Variants in KMT2B observed in about 807,000 individuals in gnomAD.
The protein encoded by KMT2B is histone-lysine N-methyltransferase 2B.
In KMT2B, 22 loss-of-function variants were observed where a neutral mutation model predicts 255.3. The ratio of observed to expected loss-of-function variants is 0.09; its 90% CI spans 0.06 to 0.12. The LOEUF (loss-of-function observed/expected upper bound fraction) is 0.12, where lower values mean the gene tolerates loss of function less well. Ranked by LOEUF, KMT2B falls within the 10% of genes least tolerant of loss-of-function variation. The pLI is 1.00. For missense variants in KMT2B, 3,149 were observed against 3,737.0 expected (o/e 0.84, Z 4.10); for synonymous variants, 1,730 against 1,498.1 (o/e 1.15, Z -3.57).
At position 35,727,675 on chromosome 19, in the gene KMT2B, C is replaced by T. The variant is rs760738079; in HGVS notation, c.4303-23C>T. On this transcript the variant is annotated intron_variant, in intron 16 of 36. Transcript: ENST00000420124. This position sits in a 1 kb window ranked among gnomAD's most constrained non-coding sequence, Gnocchi z 4.2. ...GCCGGGGCTAGGCCCACCCCCAGCC[C>T]TGCTAACTTCCCCGCTTTGCAGTGT... The T allele has an allele frequency of 6.2e-6, 10 of 1,613,310 alleles. No homozygotes were observed. In the Admixed American group the frequency reaches 1.0e-4, roughly 16 times the overall value.
chr19:35,731,909 G>A lies in KMT2B; in HGVS notation c.5439G>A (p.Glu1813=), dbSNP rs745636949. The A allele has an allele frequency of 1.2e-6, 2 of 1,612,102 alleles. No homozygotes were observed. Among genetic ancestry groups the A allele is most frequent in the East Asian group, 4.5e-5 (2 of 44,872 alleles). The change falls in exon 27 of 37, where the codon GAG becomes GAA. Residue 1813 remains glutamate, a splice_region_variant and synonymous_variant. Coordinates refer to ENST00000420124, the MANE Select transcript of KMT2B (RefSeq NM_014727.3). ...TIVHSPAPSS[E]PPGGEDPPLD... ...CAATGCCATTTCTCGCCTCTTCAGAGCCCCCAGGTGGTGAGGACCCCCCAC... is the reference window on the plus strand; with the variant it reads ...CAATGCCATTTCTCGCCTCTTCAGAACCCCCAGGTGGTGAGGACCCCCCAC...
At chr19:35,722,239 G>A (rs749982969) in intron 3 of KMT2B, 120 bp from the exon 4 acceptor site, 91 of 1,021,632 alleles carry the variant, frequency 8.9e-5, no homozygotes, top group Non-Finnish European at 1.2e-4. Flanking sequence ...TCCTGACCTC[G>A]TGATCTGCCC....
Position 35,732,702 on chromosome 19 carries a change from T to A in KMT2B, c.6153T>A (p.Ala2051=), listed in dbSNP as rs1391208248. ...VVSAPGLAPS[A]TPGAPRIEQL... The stretch of plus-strand genomic sequence containing the variant: ...CCGCCCCTGGTCTGGCCCCCAGCGC[T>A]ACCCCTGGAGCCCCCCGCATTGAAC... The change falls in exon 28 of 37, where the codon GCT becomes GCA. Residue 2051 remains alanine, a synonymous_variant. Coordinates refer to ENST00000420124, the MANE Select transcript of KMT2B (RefSeq NM_014727.3). 6.2e-7 allele frequency: 1 copy of A among 1,609,178 alleles called. No homozygotes were observed. The highest frequency in any genetic ancestry group is 8.5e-7 in the Non-Finnish European group (1 of 1,178,118).
At chr19:35,719,713 C>G in intron 2 of KMT2B, 71 bp from the exon 3 acceptor site, 1 of 1,533,084 alleles carries the variant, frequency 6.5e-7, no homozygotes, top group Non-Finnish European at 8.8e-7. Flanking sequence ...TTAGTCCCTG[C>G]CCTCCTGGAG....
chr19:35,737,030 C>T lies in KMT2B; in HGVS notation c.7372+44C>T. 1 of 1,609,878 alleles carries T rather than the reference C, an allele frequency of 6.2e-7. No individual in the cohort carries two copies. ...AGGGGGCAGGGAGCTGGATGTCTCC[C>T]CGAGGGCACCATGGGCCCTCCACAT... On this transcript the variant is annotated intron_variant, in intron 32 of 36. Coordinates refer to ENST00000420124, the MANE Select transcript of KMT2B (RefSeq NM_014727.3). The surrounding 1 kb of genome is among the most constrained non-coding windows in gnomAD (Gnocchi z 5.3).
chr19:35,726,018 T>A (rs192135174), intron 13 of KMT2B, among the ~76,000 whole-genome samples, 200 bp downstream of exon 13: 18 of 152,362 alleles, frequency 1.2e-4, no homozygotes, highest in African/African-American at 3.4e-4. Context: ...TAGGGGCTTA[T>A]GAATCTCACA....
chr19:35,732,574 G>C lies in KMT2B; in HGVS notation c.6025G>C (p.Ala2009Pro). The C allele has an allele frequency of 6.2e-7, 1 of 1,613,516 alleles. No homozygotes were observed. The highest frequency in any genetic ancestry group is 8.5e-7 in the Non-Finnish European group (1 of 1,179,832). The change falls in exon 28 of 37, where the codon GCC becomes CCC. Residue 2009 changes from alanine to proline, a missense_variant. Ala to Pro is a conservative substitution (Grantham distance 27, BLOSUM62 -1). This residue lies in a region of KMT2B where 897 missense variants were observed against 825.3 expected (regional missense o/e 1.09). Transcript: ENST00000420124. ...GTEPFQEEIV[A>P]AGAMGSSHGG... Reference sequence around the variant, plus strand: ...TGAGCCCTTCCAGGAAGAGATTGTAGCCGCTGGGGCCATGGGGAGCAGCCA... The same window carrying C: ...TGAGCCCTTCCAGGAAGAGATTGTACCCGCTGGGGCCATGGGGAGCAGCCA...
Position 35,721,004 on chromosome 19 carries a change from A to G in KMT2B, c.1657A>G (p.Lys553Glu). The change falls in exon 3 of 37, where the codon AAA becomes GAA. Residue 553 changes from lysine to glutamate, a missense_variant. Lys to Glu is a moderately conservative substitution (Grantham distance 56). Coordinates refer to ENST00000420124, the MANE Select transcript of KMT2B (RefSeq NM_014727.3). ...PRRFMDEDPP[K>E]PPKVEVSPVL... ...GCGATTTATGGATGAAGACCCCCCC[A>G]AACCCCCAAAGGTGGAGGTCTCACC... The G allele has an allele frequency of 6.3e-7, 1 of 1,584,756 alleles. No individual in the cohort carries two copies. The highest frequency in any genetic ancestry group is 8.6e-7 in the Non-Finnish European group (1 of 1,168,460).
Position 35,733,441 on chromosome 19 carries a change from C to T in KMT2B, c.6892C>T (p.Pro2298Ser), listed in dbSNP as rs1352168510. 1.9e-6 allele frequency: 3 copies of T among 1,558,278 alleles called. No individual in the cohort carries two copies. Among genetic ancestry groups the T allele is most frequent in the Non-Finnish European group, 2.6e-6 (3 of 1,151,444 alleles). The change falls in exon 28 of 37, where the codon CCC (proline) becomes TCC (serine). Residue 2298 changes from proline to serine, a missense_variant. Pro to Ser is a moderately conservative substitution (Grantham distance 74). Transcript: ENST00000420124. The surrounding 1 kb of genome is among the most constrained non-coding windows in gnomAD (Gnocchi z 4.3). Reference protein sequence around the residue: ...SPPAPPPYKAPRLDEDGEASE... With the variant: ...SPPAPPPYKASRLDEDGEASE... ...GCCAGCACCTCCCCCATACAAAGCCCCCCGGCTGGATGAAGATGGAGAGGC... is the reference window on the plus strand; with the variant it reads ...GCCAGCACCTCCCCCATACAAAGCCTCCCGGCTGGATGAAGATGGAGAGGC...
At position 35,723,883 on chromosome 19, in the gene KMT2B, C is replaced by T. The variant is rs1969318719; in HGVS notation, c.3210C>T (p.Leu1070=). ...CAGGGCCCGAGGAGCAGGACTCCCTCCTGCAGCGCAAGTCAGCTCGGCGCT... is the reference window on the plus strand; with the variant it reads ...CAGGGCCCGAGGAGCAGGACTCCCTTCTGCAGCGCAAGTCAGCTCGGCGCT... The part of the protein sequence containing the change: ...AHPGPEEQDS[L]LQRKSARRCV... The change falls in exon 8 of 37, where the codon CTC becomes CTT. Residue 1070 remains leucine, a synonymous_variant. Transcript: ENST00000420124. This position sits in a 1 kb window ranked among gnomAD's most constrained non-coding sequence, Gnocchi z 7.5. The T allele has an allele frequency of 6.2e-7, 1 of 1,610,664 alleles. No homozygotes were observed. The highest frequency in any genetic ancestry group is 8.5e-7 in the Non-Finnish European group (1 of 1,178,980).
chr19:35,725,473 C>T lies in KMT2B; in HGVS notation c.3643-6C>T, dbSNP rs770571173. 5.0e-6 allele frequency: 8 copies of T among 1,610,170 alleles called. No individual in the cohort carries two copies. The South Asian group carries it at 7.7e-5, about 15-fold the overall frequency. ...CCCATCATTCACTCCTTTACCCTGT[C>T]CCCAGCTGGTGTTCTGTCAAGTCTG... is the stretch of plus-strand genomic sequence containing the variant. On this transcript the variant is annotated splice_polypyrimidine_tract_variant and splice_region_variant and intron_variant, in intron 11 of 36. Transcript: ENST00000420124. The surrounding 1 kb of genome is among the most constrained non-coding windows in gnomAD (Gnocchi z 4.1).
intron 14 of KMT2B, among the ~76,000 whole-genome samples, chr19:35,726,898 C>T (rs1311834249): frequency 1.3e-5 from 2 of 150,198 alleles, no homozygotes; most frequent in Non-Finnish European, 2.9e-5. Flanking sequence ...GCAGGAGAAT[C>T]GCTTGAACCC....
rs1969163292 is a variant in KMT2B at position 35,720,801 on chromosome 19, C to T, written c.1454C>T (p.Ala485Val). The change falls in exon 3 of 37, where the codon GCT (alanine) becomes GTT (valine). Residue 485 changes from alanine to valine, a missense_variant. By Grantham distance (64) the Ala-to-Val change is moderately conservative. Transcript: ENST00000420124. The part of the protein sequence containing the change: ...TPSQRAEREA[A>V]RAGPEGTSPP... Reference sequence around the variant, plus strand: ...AGCCAGCGGGCGGAGCGGGAAGCTGCTCGGGCAGGGCCAGAGGGCACCTCT... The same window carrying T: ...AGCCAGCGGGCGGAGCGGGAAGCTGTTCGGGCAGGGCCAGAGGGCACCTCT... The T allele has an allele frequency of 3.3e-6, 5 of 1,503,336 alleles. No individual in the cohort carries two copies. Among genetic ancestry groups the T allele is most frequent in the Non-Finnish European group, 4.5e-6 (5 of 1,121,748 alleles). The allele number at this position is 1,503,336 out of a possible 1,614,324, so 93.1% of individuals were successfully genotyped here.
In KMT2B at chr19:35,718,462, C is replaced by T. The variant is rs933913877; in HGVS notation, c.363+81C>T. ...GGGGTCTGGGTTGTCCCGGGGGCGG[C>T]GTGGGCAGGCCGGGTCCTCAGGGTT... On this transcript the variant is annotated intron_variant, in intron 1 of 36. Coordinates refer to ENST00000420124, the MANE Select transcript of KMT2B (RefSeq NM_014727.3). The surrounding 1 kb of genome is among the most constrained non-coding windows in gnomAD (Gnocchi z 5.0). 7 of 1,195,440 alleles carry T rather than the reference C, an allele frequency of 5.9e-6. No individual in the cohort carries two copies. The Admixed American group carries it at 1.4e-4, about 23-fold the overall frequency. The allele number at this position is 1,195,440 out of a possible 1,614,324, so 74.1% of individuals were successfully genotyped here.
At position 35,725,362 on chromosome 19, in the gene KMT2B, C is replaced by T. The variant is rs1198474144; in HGVS notation, c.3642+29C>T. ...AGATCTCTGCCTTTCTTCACAGACC[C>T]CCAGCTCTCTGTCGGTCCTCACGGC... On this transcript the variant is annotated intron_variant, in intron 11 of 36. Transcript: ENST00000420124. This position sits in a 1 kb window ranked among gnomAD's most constrained non-coding sequence, Gnocchi z 4.1. 6.4e-7 allele frequency: 1 copy of T among 1,558,316 alleles called. No individual in the cohort carries two copies. Among genetic ancestry groups the T allele is most frequent in the South Asian group, 1.2e-5 (1 of 83,270 alleles).
chr19:35,732,083 G>A lies in KMT2B; in HGVS notation c.5613G>A (p.Ser1871=), dbSNP rs749665022. ...SGARIKVPNY[S]PSRRPLGGVS... is the part of the protein sequence containing the mutation. Reference sequence around the variant, plus strand: ...CTCGAATCAAAGTGCCCAACTACTCGCCATCCCGGAGGCCCTTGGGGGGTG... The same window carrying A: ...CTCGAATCAAAGTGCCCAACTACTCACCATCCCGGAGGCCCTTGGGGGGTG... Residue 1871 remains serine, a synonymous_variant, in exon 27 of 37, where the codon TCG becomes TCA. Transcript: ENST00000420124. 21 of 1,608,022 alleles carry A rather than the reference G, an allele frequency of 1.3e-5. No homozygotes were observed. The highest frequency in any genetic ancestry group is 3.3e-4 in the Middle Eastern group (2 of 6,056).
chr19:35,734,964 G>A (rs559384107), intron 30 of KMT2B, among the ~76,000 whole-genome samples: 2 of 152,320 alleles, frequency 1.3e-5, no homozygotes, highest in South Asian at 4.1e-4. Context: ...GCCTTAGGAG[G>A]TCCCTGTCCT....
rs746028470 is a variant in KMT2B, at chr19:35,727,837, G to A, written c.4393-44G>A. The A allele has an allele frequency of 1.9e-6, 3 of 1,613,092 alleles. No homozygotes were observed. ...GGTGGGTGGCAGGAGGAGAGGGCTGGAATTGTGCAGAGGGGACTCAGTCTC... is the reference window on the plus strand; with the variant it reads ...GGTGGGTGGCAGGAGGAGAGGGCTGAAATTGTGCAGAGGGGACTCAGTCTC... On this transcript the variant is annotated intron_variant, in intron 17 of 36. Transcript: ENST00000420124. This position sits in a 1 kb window ranked among gnomAD's most constrained non-coding sequence, Gnocchi z 4.2.
intron 22 of KMT2B, 61 bp from the exon 23 acceptor site, chr19:35,729,904 CAG>C (rs2146461402): frequency 6.6e-7 from 1 of 1,509,514 alleles, no homozygotes; most frequent in East Asian, 2.4e-5. Flanking sequence ...GACTCAGTGA[CAG>C]TGGTGCCTGG....
Sources: gnomAD v4.1 joint callset for allele counts (sites outside exome capture counted in the v4.1 genomes callset) on GRCh38, gnomAD v4.1.1 for gene constraint, gnomAD v4.1.1 regional missense constraint, Gnocchi (gnomAD v3.1) non-coding constraint, MANE v1.5 for transcripts, NCBI Gene and HGNC (gene_info 2026-07-23, HGNC 2026-07-21) for gene names.